SGCZ: variants seen among roughly 807,000 people sequenced by gnomAD.
SGCZ encodes the protein sarcoglycan zeta, also known as zeta-sarcoglycan.
In SGCZ, 40 loss-of-function variants were observed where a neutral mutation model predicts 41.3. That is an observed-to-expected ratio of 0.97 (90% CI 0.75 to 1.26). The LOEUF (loss-of-function observed/expected upper bound fraction) is 1.26. Ranked by LOEUF, SGCZ falls within the 50% of genes most tolerant of loss-of-function variation. The pLI is 0.00. For missense variants in SGCZ, 552 were observed against 369.8 expected (o/e 1.49, Z -4.04); for synonymous variants, 206 against 137.5 (o/e 1.50, Z -3.49).
At chr8:15,075,479 T>C (rs1309339403) in intron 1 of SGCZ, among the ~76,000 whole-genome samples, 2 of 152,142 alleles carry the variant, frequency 1.3e-5, no homozygotes, top group African/African-American at 4.8e-5. Flanking sequence ...CATGGTGGCA[T>C]AGAGCTAAAA....
intron 3 of SGCZ, among the ~76,000 whole-genome samples, chr8:14,267,536 T>G (rs1479487993): frequency 1.3e-5 from 2 of 152,092 alleles, no homozygotes; most frequent in Non-Finnish European, 2.9e-5. Context: ...GCTTGTCCAT[T>G]CTGGTATCGC....
intron 1 of SGCZ, among the ~76,000 whole-genome samples, chr8:15,207,766 C>A (rs1445957425): frequency 6.6e-6 from 1 of 151,886 alleles, no homozygotes; most frequent in Non-Finnish European, 1.5e-5. Flanking sequence ...GCTTAAGAAA[C>A]CAGAGCTTTT....
chr8:14,911,001 G>A (rs768852115), intron 1 of SGCZ, among the ~76,000 whole-genome samples: 7 of 151,754 alleles, frequency 4.6e-5, no homozygotes, highest in South Asian at 2.1e-4. Flanking sequence ...ATTTTTTCAC[G>A]AATAATACAC....
At chr8:14,102,098 A>C in intron 7 of SGCZ, among the ~76,000 whole-genome samples, 1 of 118,968 alleles carries the variant, frequency 8.4e-6, no homozygotes, top group South Asian at 2.9e-4. Flanking sequence ...ATATATATAT[A>C]TATATAATTT....
chr8:15,206,093 C>A (rs892423919), intron 1 of SGCZ, among the ~76,000 whole-genome samples: 24 of 152,192 alleles, frequency 1.6e-4, no homozygotes, highest in African/African-American at 5.8e-4. Flanking sequence ...GGCTGGATAC[C>A]TGGGTGCTGA....
Position 15,098,780 on chromosome 8 carries a change from C to T in SGCZ, c.39+138805G>A, listed in dbSNP as rs530889047. Among the ~76,000 whole-genome samples, 7 of 152,104 alleles carry T rather than the reference C, an allele frequency of 4.6e-5. No individual in the cohort carries two copies. The South Asian group carries it at 1.5e-3, about 32-fold the overall frequency. On this transcript the variant is annotated intron_variant, in intron 1 of 7. Transcript: ENST00000382080. ...TGAATAAAAAAGTAGTGCCTCAGTTCGGGTGCCATGGCTCACGCCTGTAAT... is the reference window on the plus strand; with the variant it reads ...TGAATAAAAAAGTAGTGCCTCAGTTTGGGTGCCATGGCTCACGCCTGTAAT...
chr8:15,066,013 A>T (rs1000755797), intron 1 of SGCZ, among the ~76,000 whole-genome samples: 1 of 152,238 alleles, frequency 6.6e-6, no homozygotes, highest in Admixed American at 6.5e-5. Flanking sequence ...TAATGGCCTT[A>T]GAAGTCCACC....
chr8:14,323,072 C>G (rs547954625), intron 3 of SGCZ, among the ~76,000 whole-genome samples: 21 of 151,992 alleles, frequency 1.4e-4, no homozygotes, highest in Non-Finnish European at 2.2e-4. Flanking sequence ...ATTTCTAGTA[C>G]CAGAGTAGAG....
At chr8:14,961,707 A>G (rs10099668) in intron 1 of SGCZ, among the ~76,000 whole-genome samples, 67,812 of 151,462 alleles carry the variant, frequency 0.45, 16,368 homozygotes, top group East Asian at 0.64. Flanking sequence ...ATGGATAAGG[A>G]GGAACTACTG....
intron 3 of SGCZ, among the ~76,000 whole-genome samples, chr8:14,316,171 A>G (rs1239639576): frequency 1.3e-5 from 2 of 151,990 alleles, no homozygotes; most frequent in African/African-American, 4.8e-5. Context: ...CCAAACTTAA[A>G]GTCTCTCAAT....
intron 2 of SGCZ, among the ~76,000 whole-genome samples, chr8:14,494,519 A>C (rs190218198): frequency 2.0e-5 from 3 of 152,280 alleles, no homozygotes; most frequent in Admixed American, 2.0e-4. Context: ...ACACACATGC[A>C]CACACACAAA....
At chr8:14,251,393 A>G (rs575482268) in intron 3 of SGCZ, among the ~76,000 whole-genome samples, 1 of 152,312 alleles carries the variant, frequency 6.6e-6, no homozygotes, top group Non-Finnish European at 1.5e-5. Context: ...CAGATAGTAA[A>G]TATATTATGC....
At chr8:14,809,977 A>C (rs563089629) in intron 1 of SGCZ, among the ~76,000 whole-genome samples, 1 of 152,110 alleles carries the variant, frequency 6.6e-6, no homozygotes, top group Non-Finnish European at 1.5e-5. Context: ...TATTTTAAGA[A>C]ACTCAAGCTG....
intron 2 of SGCZ, among the ~76,000 whole-genome samples, chr8:14,344,379 A>C (rs1253218174): frequency 1.3e-5 from 2 of 152,112 alleles, no homozygotes; most frequent in Non-Finnish European, 2.9e-5. Flanking sequence ...TGGTAAGGCT[A>C]ATGCAAATCA....
At chr8:14,507,822 A>C (rs1346336108) in intron 2 of SGCZ, among the ~76,000 whole-genome samples, 2 of 144,194 alleles carry the variant, frequency 1.4e-5, no homozygotes, top group East Asian at 4.2e-4. Context: ...CCCAGGCTGG[A>C]GTGCAATGGC....
At chr8:14,228,855 T>C (rs1806464303) in intron 4 of SGCZ, among the ~76,000 whole-genome samples, 1 of 152,166 alleles carries the variant, frequency 6.6e-6, no homozygotes, top group Admixed American at 6.6e-5. Flanking sequence ...ATTTCAAAGA[T>C]ATAGTATTCA....
chr8:14,128,463 T>G (rs1174203802), intron 5 of SGCZ, among the ~76,000 whole-genome samples: 1 of 152,166 alleles, frequency 6.6e-6, no homozygotes, highest in East Asian at 1.9e-4. Flanking sequence ...AAGTGTAAAT[T>G]ACTACAACCT....
At chr8:14,375,523 A>C (rs1804087875) in intron 2 of SGCZ, among the ~76,000 whole-genome samples, 5 of 152,196 alleles carry the variant, frequency 3.3e-5, no homozygotes, top group Admixed American at 2.6e-4. Flanking sequence ...GAATAATTAA[A>C]ATAAAACTCT....
chr8:14,582,068 C>T (rs549869397), intron 1 of SGCZ, among the ~76,000 whole-genome samples: 3 of 152,192 alleles, frequency 2.0e-5, no homozygotes, highest in African/African-American at 7.2e-5. Flanking sequence ...GCATGAAGAA[C>T]TTTATGATGA....
Sources: allele counts gnomAD v4.1 joint callset (sites outside exome capture counted in the v4.1 genomes callset), GRCh38; gene constraint gnomAD v4.1.1; transcripts MANE v1.5; gene names NCBI Gene and HGNC (gene_info 2026-07-23, HGNC 2026-07-21).